MATN3: variants seen among roughly 807,000 people sequenced by gnomAD.
The protein encoded by MATN3 is matrilin 3.
MATN3 carries 48 observed loss-of-function variants against 45.3 expected under a neutral mutation model. The observed-to-expected ratio is 1.06, with a 90% CI of 0.84 to 1.35. The LOEUF is 1.35. MATN3 is among the 40% of genes most tolerant of loss of function. The pLI, the probability that MATN3 is intolerant of heterozygous loss-of-function variation, is 0.00. For missense variants in MATN3, 599 were observed against 628.0 expected (o/e 0.95, Z 0.49); for synonymous variants, 217 against 245.9 (o/e 0.88, Z 1.10).
intron 5 of MATN3, chr2:19,999,157 T>C (rs1672935455): frequency 6.6e-6 from 1 of 152,200 alleles, no homozygotes; most frequent in African/African-American, 2.4e-5. Context: ...CTTTATTCCA[T>C]ACTATCTGTT....
intron 1 of MATN3, among the ~76,000 whole-genome samples, chr2:20,007,858 G>A (rs11694716): frequency 0.69 from 104,565 of 152,088 alleles, 36,316 homozygotes; most frequent in East Asian, 0.9. Flanking sequence ...ATTCTTTCCT[G>A]TTCTTTCCTG....
intron 1 of MATN3, among the ~76,000 whole-genome samples, chr2:20,006,995 A>G (rs1306053739): frequency 6.6e-6 from 1 of 152,168 alleles, no homozygotes; most frequent in African/African-American, 2.4e-5. Flanking sequence ...AGGCGGGCAA[A>G]TCAAGAGGTC....
At chr2:20,009,605 C>A (rs1673178237) in intron 1 of MATN3, among the ~76,000 whole-genome samples, 1 of 152,086 alleles carries the variant, frequency 6.6e-6, no homozygotes, top group African/African-American at 2.4e-5. Context: ...ATGTAACAAA[C>A]CTGCACATTC....
At position 20,012,547 on chromosome 2, in the gene MATN3, CG is replaced by C. The variant is rs1253906553; in HGVS notation, c.84del (p.Asp29ThrfsTer74). The C allele has an allele frequency of 4.3e-5, 53 of 1,226,242 alleles. No homozygotes were observed. The highest frequency in any genetic ancestry group is 5.4e-5 in the Non-Finnish European group (53 of 984,820). The allele number at this position is 1,226,242 out of a possible 1,614,324, so 76.0% of individuals were successfully genotyped here. On this transcript the variant is annotated frameshift_variant, in exon 1 of 8. Coordinates refer to ENST00000407540, the MANE Select transcript of MATN3 (RefSeq NM_002381.5). LOFTEE classifies it high-confidence loss of function. This position sits in a 1 kb window ranked among gnomAD's most constrained non-coding sequence, Gnocchi z 4.3. ...CGGAAGCCCGGGCGGGCCACGGGGT[CG>C]GGGGCGGCGGAGGGCAGCAGCAGCA... ...WPLLLLPSAA[P>X]DPVARPGFRR...
Position 20,006,197 on chromosome 2 carries a change from G to T in MATN3, c.337C>A (p.Leu113Met). 1 of 1,613,940 alleles carries T rather than the reference G, an allele frequency of 6.2e-7. No homozygotes were observed. Among genetic ancestry groups the T allele is most frequent in the Middle Eastern group, 1.6e-4 (1 of 6,062 alleles). Residue 113 changes from leucine (L) to methionine (M), a missense_variant, in exon 2 of 8, where the codon CTG (leucine) becomes ATG (methionine). Coordinates refer to ENST00000407540, the MANE Select transcript of MATN3 (RefSeq NM_002381.5). ...KTFVSRIIDT[L>M]DIGPADTRVA... Reference sequence around the variant, plus strand: ...CGCGTGTCGGCTGGCCCAATGTCCAGAGTGTCGATTATCCGGGAGACAAAA... The same window carrying T: ...CGCGTGTCGGCTGGCCCAATGTCCATAGTGTCGATTATCCGGGAGACAAAA...
intron 2 of MATN3, among the ~76,000 whole-genome samples, chr2:20,004,393 C>T (rs369578877): frequency 6.6e-6 from 1 of 152,226 alleles, no homozygotes; most frequent in Non-Finnish European, 1.5e-5. Context: ...GAGAGGCTCT[C>T]ACCCACAAGC....
rs1273004143 is a variant in MATN3, at chr2:20,012,103, G to A, written c.223+306C>T. On this transcript the variant is annotated intron_variant, in intron 1 of 7. Coordinates refer to ENST00000407540, the MANE Select transcript of MATN3 (RefSeq NM_002381.5). This position sits in a 1 kb window ranked among gnomAD's most constrained non-coding sequence, Gnocchi z 4.3. ...CTCACTGAATGGAGAGGTCAGGACT[G>A]GGACGGAGCTTAGCAGCAGCCGCTG... Among the ~76,000 whole-genome samples the A allele has an allele frequency of 6.6e-6, 1 of 152,214 alleles. No individual in the cohort carries two copies. Among genetic ancestry groups the A allele is most frequent in the Non-Finnish European group, 1.5e-5 (1 of 68,030 alleles).
At chr2:20,005,683 G>C (rs975351292) in intron 2 of MATN3, 61 bp downstream of exon 2, 2 of 1,290,548 alleles carry the variant, frequency 1.5e-6, no homozygotes, top group Admixed American at 2.7e-5. Flanking sequence ...TCTTTTCTCT[G>C]GGTACACAAT....
intron 5 of MATN3, chr2:19,999,206 G>T (rs1031301303): frequency 6.6e-6 from 1 of 151,828 alleles, no homozygotes; most frequent in Non-Finnish European, 1.5e-5. Flanking sequence ...GTTTTCCCAG[G>T]TCTTCAATGT....
At chr2:20,000,775 T>C (rs138648181) in intron 4 of MATN3, among the ~76,000 whole-genome samples, 1 of 152,338 alleles carries the variant, frequency 6.6e-6, no homozygotes, top group African/African-American at 2.4e-5. Context: ...CCTTCCACAA[T>C]TGCTTTTGGA....
intron 5 of MATN3, chr2:19,997,768 A>G (rs1013533915): frequency 2.2e-5 from 3 of 133,580 alleles, no homozygotes; most frequent in African/African-American, 1.0e-4. Flanking sequence ...CAGGAGACAC[A>G]TGCACACACA....
At chr2:20,000,704 T>G in intron 4 of MATN3, 138 bp from the exon 5 acceptor site, 1 of 773,888 alleles carries the variant, frequency 1.3e-6, no homozygotes, top group Non-Finnish European at 2.0e-6. Flanking sequence ...GCACTGTTTT[T>G]TTCTAACTAG....
In MATN3 at chr2:19,995,907, C is replaced by G. The variant is rs1395445602; in HGVS notation, c.1294+1227G>C. Among the ~76,000 whole-genome samples, 1 of 152,126 alleles carries G rather than the reference C, an allele frequency of 6.6e-6. No homozygotes were observed. Among genetic ancestry groups the G allele is most frequent in the African/African-American group, 2.4e-5 (1 of 41,408 alleles). On this transcript the variant is annotated intron_variant, in intron 6 of 7. Transcript: ENST00000407540. This position sits in a 1 kb window ranked among gnomAD's most constrained non-coding sequence, Gnocchi z 4.2. ...TCCACCTGTCTGAATCCTATTGAAC[C>G]TTTTAGGGACAGCCAGTCCAAATCC...
At position 20,012,333 on chromosome 2, in the gene MATN3, A is replaced by C; in HGVS notation, c.223+76T>G. On this transcript the variant is annotated intron_variant, in intron 1 of 7. Transcript: ENST00000407540. The surrounding 1 kb of genome is among the most constrained non-coding windows in gnomAD (Gnocchi z 4.3). The stretch of plus-strand genomic sequence containing the variant: ...GCACCACGGTCGGCCTGAGGCCGGG[A>C]TGAAGCGCGCTTGGTGGATGCCCTG... 4 of 1,120,308 alleles carry C rather than the reference A, an allele frequency of 3.6e-6. No individual in the cohort carries two copies. Among genetic ancestry groups the C allele is most frequent in the African/African-American group, 1.6e-5 (1 of 62,048 alleles). 69.4% of individuals were successfully genotyped at this position (1,120,308 alleles called of 1,614,324 possible).
intron 1 of MATN3, among the ~76,000 whole-genome samples, chr2:20,011,231 C>G (rs557573680): frequency 6.6e-6 from 1 of 152,348 alleles, no homozygotes; most frequent in South Asian, 2.1e-4. Context: ...GGTGCTGAAT[C>G]TCTCCTTCCT....
chr2:20,009,122 G>A (rs1673168656), intron 1 of MATN3, among the ~76,000 whole-genome samples: 1 of 151,692 alleles, frequency 6.6e-6, no homozygotes. Context: ...CTGCTTAGGG[G>A]GCTGAGGCAG....
chr2:20,008,376 T>G (rs1673152826), intron 1 of MATN3, among the ~76,000 whole-genome samples: 1 of 152,042 alleles, frequency 6.6e-6, no homozygotes, highest in African/African-American at 2.4e-5. Context: ...CCTTTCCTAA[T>G]AAGGAGGCAG....
intron 6 of MATN3, 88 bp downstream of exon 6, chr2:19,997,046 C>T: frequency 4.2e-6 from 6 of 1,413,734 alleles, no homozygotes; most frequent in South Asian, 3.8e-5. Flanking sequence ...GAGAAAGAAT[C>T]ACAACTGTGT....
At position 20,004,628 on chromosome 2, in the gene MATN3, G is replaced by A. The variant is rs373300950; in HGVS notation, c.790+1116C>T. Among the ~76,000 whole-genome samples, 8 of 152,224 alleles carry A rather than the reference G, an allele frequency of 5.3e-5. No homozygotes were observed. In the East Asian group the frequency reaches 7.7e-4, roughly 15 times the overall value. ...TTCCTGACAAACCATTGATGGCTGC[G>A]TTTCACATTAACCTAGATTAAAAGT... is the stretch of plus-strand genomic sequence containing the variant. On this transcript the variant is annotated intron_variant, in intron 2 of 7. Transcript: ENST00000407540.
Sources: gnomAD v4.1 joint callset for allele counts (sites outside exome capture counted in the v4.1 genomes callset) on GRCh38, gnomAD v4.1.1 for gene constraint, Gnocchi (gnomAD v3.1) non-coding constraint, MANE v1.5 for transcripts, NCBI Gene and HGNC (gene_info 2026-07-23, HGNC 2026-07-21) for gene names.